HEATR1: variants seen among roughly 807,000 people sequenced by gnomAD.
HEATR1 encodes HEAT repeat-containing protein 1.
A neutral mutation model predicts 248.2 loss-of-function variants in HEATR1; 77 were observed. That is an observed-to-expected ratio of 0.31 (90% confidence interval 0.26 to 0.37). The LOEUF is 0.37. Among genes scored for constraint, HEATR1 ranks in the 10% least tolerant of loss-of-function variants. The probability of loss-of-function intolerance (pLI) is 1.00; values close to 1 mark genes in which losing one functional copy is unlikely to be tolerated. For synonymous variants in HEATR1, 897 were observed against 923.1 expected (o/e 0.97, Z 0.51); for missense variants, 2,420 against 2,504.9 (o/e 0.97, Z 0.72).
chr1:236,599,792 G>A (rs1316870293), intron 3 of HEATR1, among the ~76,000 whole-genome samples, 168 bp from the exon 4 acceptor site: 2 of 152,140 alleles, frequency 1.3e-5, no homozygotes, highest in Admixed American at 1.3e-4. Context: ...CCCCAATTTT[G>A]CATTCACATA....
At position 236,550,959 on chromosome 1, in the gene HEATR1, T is replaced by C. The variant is rs1662704604; in HGVS notation, c.6378A>G (p.Gln2126=). The C allele has an allele frequency of 8.1e-6, 13 of 1,599,796 alleles. No homozygotes were observed. The highest frequency in any genetic ancestry group is 9.4e-6 in the Non-Finnish European group (11 of 1,170,966). The part of the protein sequence containing the change: ...DECEEVEHQC[Q]KTIQQLETVL... ...CAGTTTCCAGTTGCTGAATAGTCTT[T>C]TGGCACTGATGTTCTACTTCTTCAC... Residue 2126 remains glutamine, a synonymous_variant, in exon 45 of 45, where the codon CAA becomes CAG. Coordinates refer to ENST00000366582, the MANE Select transcript of HEATR1 (RefSeq NM_018072.6).
At chr1:236,577,004 C>A in intron 20 of HEATR1, 55 bp from the exon 21 acceptor site, 1 of 1,351,352 alleles carries the variant, frequency 7.4e-7, no homozygotes, top group East Asian at 2.4e-5. Flanking sequence ...TGAAACAGTA[C>A]AAAATTTACA....
At chr1:236,597,393 C>T (rs1029244546) in intron 5 of HEATR1, among the ~76,000 whole-genome samples, 16 of 151,840 alleles carry the variant, frequency 1.1e-4, no homozygotes, top group Non-Finnish European at 2.4e-4. Context: ...GCTGGAATTA[C>T]AGGCATGCCC....
chr1:236,562,679 A>T (rs759979629), intron 32 of HEATR1, among the ~76,000 whole-genome samples: 1 of 152,222 alleles, frequency 6.6e-6, no homozygotes, highest in Non-Finnish European at 1.5e-5. Context: ...TAATTGAAAA[A>T]GCACACTGAG....
At chr1:236,553,325 ACTT>A (rs1403110881) in intron 43 of HEATR1, among the ~76,000 whole-genome samples, 1 of 152,236 alleles carries the variant, frequency 6.6e-6, no homozygotes, top group African/African-American at 2.4e-5. Context: ...GTATTTTAGT[ACTT>A]CTGCCCAACG....
chr1:236,554,302 G>T (rs1322352100), intron 42 of HEATR1, among the ~76,000 whole-genome samples: 2 of 152,150 alleles, frequency 1.3e-5, no homozygotes, highest in African/African-American at 4.8e-5. Flanking sequence ...TGAGGCACAA[G>T]AATTGCTTGA....
At chr1:236,589,229 G>A (rs1558189893) in intron 12 of HEATR1, among the ~76,000 whole-genome samples, 1 of 152,130 alleles carries the variant, frequency 6.6e-6, no homozygotes, top group Non-Finnish European at 1.5e-5. Flanking sequence ...CTTTATTCTA[G>A]AAGAATTTCT....
chr1:236,553,576 C>G lies in HEATR1; in HGVS notation c.6237+5G>C, dbSNP rs1662847633. The G allele has an allele frequency of 6.2e-7, 1 of 1,612,856 alleles. No homozygotes were observed. The highest frequency in any genetic ancestry group is 1.3e-5 in the African/African-American group (1 of 74,860). ...AGTTTCAGTACTTGTCACGCAGTTC[C>G]TAACCTTAGGCGAGGAGTCTCTCGT... On this transcript the variant is annotated splice_donor_5th_base_variant and intron_variant, in intron 43 of 44. Transcript: ENST00000366582.
chr1:236,576,277 C>T lies in HEATR1; in HGVS notation c.3026G>A (p.Ser1009Asn). The T allele has an allele frequency of 6.2e-7, 1 of 1,610,430 alleles. No homozygotes were observed. Among genetic ancestry groups the T allele is most frequent in the Non-Finnish European group, 8.5e-7 (1 of 1,178,820 alleles). ...ATCTTTTGCTATATAAGATGGGCAA[C>T]TATACACACAACTAAGTAAGTTTTT... ...TLKNLLSCVY[S>N]CPSYIAKDLM... The change falls in exon 22 of 45, where the codon AGT becomes AAT. Residue 1009 changes from serine (S) to asparagine (N), a missense_variant. Physicochemically the swap from Ser to Asn is conservative, Grantham distance 46. Coordinates refer to ENST00000366582, the MANE Select transcript of HEATR1 (RefSeq NM_018072.6).
intron 29 of HEATR1, among the ~76,000 whole-genome samples, chr1:236,568,027 C>T (rs971406002): frequency 6.6e-6 from 1 of 152,238 alleles, no homozygotes; most frequent in Non-Finnish European, 1.5e-5. Context: ...GTCTACCTGT[C>T]TCAACCCTCT....
chr1:236,603,050 T>G (rs1315598139), intron 3 of HEATR1, 110 bp downstream of exon 3: 2 of 725,812 alleles, frequency 2.8e-6, no homozygotes, highest in Non-Finnish European at 4.7e-6. Context: ...TGTATCAATC[T>G]CTTAATATAC....
chr1:236,572,129 C>T (rs1663446407), intron 26 of HEATR1, among the ~76,000 whole-genome samples: 1 of 152,098 alleles, frequency 6.6e-6, no homozygotes. Flanking sequence ...AACACTATAT[C>T]TTGAAATGCA....
chr1:236,569,961 G>A (rs1229060735), intron 28 of HEATR1, among the ~76,000 whole-genome samples: 1 of 152,174 alleles, frequency 6.6e-6, no homozygotes, highest in East Asian at 1.9e-4. Context: ...AAGGAATACG[G>A]ATTCAAGCTT....
At chr1:236,558,897 A>G in intron 35 of HEATR1, 98 bp downstream of exon 35, 1 of 1,060,050 alleles carries the variant, frequency 9.4e-7, no homozygotes, top group South Asian at 1.8e-5. Flanking sequence ...ATATACTTCA[A>G]TTTGAAATTG....
At chr1:236,563,126 C>T (rs754619702) in intron 32 of HEATR1, among the ~76,000 whole-genome samples, 2 of 152,124 alleles carry the variant, frequency 1.3e-5, no homozygotes, top group Non-Finnish European at 2.9e-5. Flanking sequence ...GAAACAATGA[C>T]AGAGGAGATT....
chr1:236,586,154 G>T, intron 15 of HEATR1, 87 bp downstream of exon 15: 1 of 1,219,066 alleles, frequency 8.2e-7, no homozygotes, highest in Non-Finnish European at 1.1e-6. Flanking sequence ...TGGCATATAA[G>T]CATGACCAAC....
chr1:236,555,686 G>T, intron 39 of HEATR1, 31 bp from the exon 40 acceptor site: 1 of 1,608,372 alleles, frequency 6.2e-7, no homozygotes, highest in Non-Finnish European at 8.5e-7. Context: ...TTATTAGAGT[G>T]CTGATACCTG....
At chr1:236,552,171 T>C in intron 43 of HEATR1, 64 bp from the exon 44 acceptor site, 1 of 1,056,236 alleles carries the variant, frequency 9.5e-7, no homozygotes, top group Non-Finnish European at 1.4e-6. Context: ...TCTTAAGAGC[T>C]GTACTGACTT....
chr1:236,600,581 A>G (rs1192214392), intron 3 of HEATR1, among the ~76,000 whole-genome samples: 1 of 151,496 alleles, frequency 6.6e-6, no homozygotes, highest in Non-Finnish European at 1.5e-5. Context: ...CCCAGGCTGG[A>G]GTGCAGTGGT....
Sources: allele counts gnomAD v4.1 joint callset (sites outside exome capture counted in the v4.1 genomes callset), GRCh38; gene constraint gnomAD v4.1.1; transcripts MANE v1.5; gene names NCBI Gene and HGNC (gene_info 2026-07-23, HGNC 2026-07-21).